RAPGEF6: variants seen among roughly 807,000 people sequenced by gnomAD.
RAPGEF6 encodes PDZ domain containing guanine nucleotide exchange factor (GEF) 2.
A neutral mutation model predicts 171.4 loss-of-function variants in RAPGEF6; 56 were observed. The observed-to-expected ratio is 0.33, with a 90% CI of 0.26 to 0.41. The LOEUF (loss-of-function observed/expected upper bound fraction) is 0.41. Ranked by LOEUF, RAPGEF6 falls within the 10% of genes least tolerant of loss-of-function variation. The probability of loss-of-function intolerance (pLI) is 1.00; values close to 1 mark genes in which losing one functional copy is unlikely to be tolerated. For synonymous variants in RAPGEF6, 692 were observed against 650.1 expected (o/e 1.06, Z -0.98); for missense variants, 1,674 against 1,921.4 (o/e 0.87, Z 2.41).
chr5:131,454,769 A>T (rs1753361853), intron 20 of RAPGEF6, among the ~76,000 whole-genome samples: 1 of 152,194 alleles, frequency 6.6e-6, no homozygotes, highest in African/African-American at 2.4e-5. Context: ...AACAAAAACA[A>T]AACCCCACAC....
chr5:131,540,937 C>T (rs974834583), intron 6 of RAPGEF6, among the ~76,000 whole-genome samples: 1 of 152,146 alleles, frequency 6.6e-6, no homozygotes, highest in African/African-American at 2.4e-5. Context: ...GCCAAGATCG[C>T]ACCATTGCAC....
At chr5:131,548,292 T>A in intron 5 of RAPGEF6, 102 bp from the exon 6 acceptor site, 2 of 1,207,028 alleles carry the variant, frequency 1.7e-6, no homozygotes, top group Non-Finnish European at 2.3e-6. Context: ...CATTTACTTC[T>A]TACAAGAAAC....
chr5:131,531,252 T>C (rs1310464018), intron 6 of RAPGEF6, among the ~76,000 whole-genome samples: 1 of 152,232 alleles, frequency 6.6e-6, no homozygotes, highest in Non-Finnish European at 1.5e-5. Context: ...TGTGCCTGTC[T>C]GTATGCAAGA....
At position 131,592,238 on chromosome 5, in the gene RAPGEF6, A is replaced by G; in HGVS notation, c.281+145T>C. The G allele has an allele frequency of 1.3e-5, 17 of 1,327,418 alleles. No homozygotes were observed. In the South Asian group the frequency reaches 2.6e-4, roughly 20 times the overall value. 82.2% of individuals were successfully genotyped at this position (1,327,418 alleles called of 1,614,324 possible). ...ATTATACCCTCAGAAATAACAAAAG[A>G]TTAACTGATTCCTGCCAAGTATTTC... On this transcript the variant is annotated intron_variant, in intron 4 of 27. Coordinates refer to ENST00000509018, the MANE Select transcript of RAPGEF6 (RefSeq NM_016340.6).
At chr5:131,562,207 A>G (rs1279090875) in intron 4 of RAPGEF6, among the ~76,000 whole-genome samples, 160 bp from the exon 5 acceptor site, 1 of 147,804 alleles carries the variant, frequency 6.8e-6, no homozygotes, top group Non-Finnish European at 1.5e-5. Flanking sequence ...AAAAAGAAAG[A>G]AAAAAAAAAA....
chr5:131,604,222 A>C (rs755142535), intron 2 of RAPGEF6, among the ~76,000 whole-genome samples: 6 of 152,142 alleles, frequency 3.9e-5, no homozygotes, highest in Admixed American at 1.3e-4. Context: ...CAAAAAGATA[A>C]CAGGAGTTTT....
At chr5:131,524,701 T>C (rs930242989) in intron 6 of RAPGEF6, among the ~76,000 whole-genome samples, 9 of 152,000 alleles carry the variant, frequency 5.9e-5, no homozygotes, top group Admixed American at 4.6e-4. Context: ...CTGCAACCTC[T>C]GCCTCCTGGG....
At chr5:131,569,233 T>C (rs1489456752) in intron 4 of RAPGEF6, among the ~76,000 whole-genome samples, 1 of 152,160 alleles carries the variant, frequency 6.6e-6, no homozygotes, top group Non-Finnish European at 1.5e-5. Flanking sequence ...AATCCTTAAA[T>C]GTATATGAAT....
intron 1 of RAPGEF6, among the ~76,000 whole-genome samples, chr5:131,625,306 G>A (rs1447206713): frequency 1.3e-5 from 2 of 152,064 alleles, no homozygotes; most frequent in Non-Finnish European, 2.9e-5. Context: ...ATCTGCCAAT[G>A]TATATTTAGG....
Position 131,492,787 on chromosome 5 carries a change from T to C in RAPGEF6, c.1528-2A>G. 1 of 1,608,230 alleles carries C rather than the reference T, an allele frequency of 6.2e-7. No homozygotes were observed. ...TAACCGGAGATGACCATTCATCTTC[T>C]GTTAAGCAGAAAAGGATAAATGTAT... On this transcript the variant is annotated splice_acceptor_variant, in intron 13 of 27. Transcript: ENST00000509018. LOFTEE classifies it high-confidence loss of function.
intron 13 of RAPGEF6, 62 bp from the exon 14 acceptor site, chr5:131,492,847 T>C: frequency 6.9e-7 from 1 of 1,447,722 alleles, no homozygotes; most frequent in Non-Finnish European, 9.6e-7. Context: ...TTTTAAAAAG[T>C]CAACGAAAAT....
chr5:131,463,876 A>G, intron 18 of RAPGEF6, 165 bp downstream of exon 18: 5 of 1,359,620 alleles, frequency 3.7e-6, no homozygotes, highest in Non-Finnish European at 4.7e-6. Context: ...AGTGGTTCTA[A>G]GAGTTTATTT....
At chr5:131,440,521 T>G (rs1312923054) in intron 23 of RAPGEF6, among the ~76,000 whole-genome samples, 1 of 152,002 alleles carries the variant, frequency 6.6e-6, no homozygotes, top group Admixed American at 6.6e-5. Context: ...GTGGATCACC[T>G]GAAGTCAGGA....
intron 11 of RAPGEF6, among the ~76,000 whole-genome samples, chr5:131,500,887 A>G (rs1259487490): frequency 9.8e-6 from 1 of 101,602 alleles, no homozygotes; most frequent in Admixed American, 1.0e-4. Flanking sequence ...TGTTGAATAA[A>G]TGAAGAAATG....
intron 3 of RAPGEF6, among the ~76,000 whole-genome samples, chr5:131,595,396 GAGTAAATTAAACCTCTTTTCTTCACAAAT>G (rs1199860057): frequency 6.6e-6 from 1 of 152,186 alleles, no homozygotes; most frequent in Admixed American, 6.5e-5. Flanking sequence ...GTGGAACTGT[GAGTAAATTAAACCTCTTTTCTTCACAAAT>G]TACCCAGTCT....
intron 6 of RAPGEF6, among the ~76,000 whole-genome samples, chr5:131,543,105 T>C (rs1211268373): frequency 6.6e-6 from 1 of 152,128 alleles, no homozygotes; most frequent in Admixed American, 6.5e-5. Flanking sequence ...GCTAGATTAC[T>C]GGAATTTTTC....
intron 11 of RAPGEF6, among the ~76,000 whole-genome samples, chr5:131,499,099 A>C (rs1308025237): frequency 6.6e-6 from 1 of 152,222 alleles, no homozygotes; most frequent in Non-Finnish European, 1.5e-5. Context: ...CTGTAGGAAG[A>C]ACACACCAGT....
chr5:131,565,118 A>G (rs181867137), intron 4 of RAPGEF6, among the ~76,000 whole-genome samples: 1 of 152,332 alleles, frequency 6.6e-6, no homozygotes, highest in Admixed American at 6.5e-5. Flanking sequence ...TACTGTTTAT[A>G]TAAAGTGAAT....
In RAPGEF6 at chr5:131,476,721, G is replaced by C. The variant is rs193001255; in HGVS notation, c.2081+2792C>G. ...TAGTTTTTTTATTTTTGGTAGAGAT[G>C]GACTTTCACAATGTTGGTCAGGCTG... On this transcript the variant is annotated intron_variant, in intron 16 of 27. Coordinates refer to ENST00000509018, the MANE Select transcript of RAPGEF6 (RefSeq NM_016340.6). Among the ~76,000 whole-genome samples, 33 of 152,184 alleles carry C rather than the reference G, an allele frequency of 2.2e-4. 1 individual carries two copies. The East Asian group carries it at 6.2e-3, about 29-fold the overall frequency.
Sources: gnomAD v4.1 joint callset for allele counts (sites outside exome capture counted in the v4.1 genomes callset) on GRCh38, gnomAD v4.1.1 for gene constraint, MANE v1.5 for transcripts, NCBI Gene and HGNC (gene_info 2026-07-23, HGNC 2026-07-21) for gene names.